SLC26A2: variants seen among roughly 807,000 people sequenced by gnomAD.
SLC26A2 encodes the protein sulfate transporter.
Under a neutral mutation model 41.1 loss-of-function variants are expected in SLC26A2, and 36 were observed. That is an observed-to-expected ratio of 0.88 (90% CI 0.67 to 1.16). The LOEUF is 1.16. Ranked by LOEUF, SLC26A2 falls within the 50% of genes most tolerant of loss-of-function variation. SLC26A2 has a pLI of 0.00. For missense variants in SLC26A2, 796 were observed against 869.6 expected (o/e 0.92, Z 1.07); for synonymous variants, 291 against 311.6 (o/e 0.93, Z 0.70).
intron 1 of SLC26A2, among the ~76,000 whole-genome samples, chr5:149,967,999 C>A (rs1234754792): frequency 2.7e-5 from 4 of 150,282 alleles, no homozygotes; most frequent in Non-Finnish European, 5.9e-5. Flanking sequence ...TTAGATCCAG[C>A]TCTTTTTTTT....
In SLC26A2 at chr5:149,978,083, C is replaced by CT. The variant is rs769859976; in HGVS notation, c.438dup (p.Ala147CysfsTer28). On this transcript the variant is annotated frameshift_variant, in exon 2 of 3. Coordinates refer to ENST00000286298, the MANE Select transcript of SLC26A2 (RefSeq NM_000112.4). LOFTEE classifies it high-confidence loss of function. ...GAACCTGTCTATGGTCTGTACACAT[C>CT]TTTTTTTGCCAGCATCATTTATTTT... 4 of 1,603,688 alleles carry CT rather than the reference C, an allele frequency of 2.5e-6. No homozygotes were observed. Among genetic ancestry groups the CT allele is most frequent in the South Asian group, 2.2e-5 (2 of 89,884 alleles).
intron 1 of SLC26A2, among the ~76,000 whole-genome samples, chr5:149,971,274 C>T (rs1331665736): frequency 6.6e-6 from 1 of 152,218 alleles, no homozygotes; most frequent in Admixed American, 6.5e-5. Context: ...CCTTGGCATC[C>T]CTGGGCCTTT....
At position 149,980,573 on chromosome 5, in the gene SLC26A2, C is replaced by T. The variant is rs1053664339; in HGVS notation, c.980C>T (p.Ser327Phe). 1 of 1,614,050 alleles carries T rather than the reference C, an allele frequency of 6.2e-7. No homozygotes were observed. Among genetic ancestry groups the T allele is most frequent in the African/African-American group, 1.3e-5 (1 of 74,936 alleles). Residue 327 changes from serine (S) to phenylalanine (F), a missense_variant, in exon 3 of 3, where the codon TCC (serine) becomes TTC (phenylalanine). Physicochemically the swap from Ser to Phe is radical, Grantham distance 155 (BLOSUM62 -2). Coordinates refer to ENST00000286298, the MANE Select transcript of SLC26A2 (RefSeq NM_000112.4). ...AAAGAACTCAATGAACACTTCAAAT[C>T]CAAGCTTAAGGCACCGATTCCTATT... ...PTKELNEHFK[S>F]KLKAPIPIEL...
intron 1 of SLC26A2, among the ~76,000 whole-genome samples, chr5:149,961,229 C>T (rs1754697681): frequency 1.3e-5 from 2 of 152,204 alleles, no homozygotes. Flanking sequence ...CCCTCCATCC[C>T]GCGTATCTCG....
At chr5:149,972,073 C>G (rs1177596971) in intron 1 of SLC26A2, among the ~76,000 whole-genome samples, 1 of 152,212 alleles carries the variant, frequency 6.6e-6, no homozygotes, top group Non-Finnish European at 1.5e-5. Flanking sequence ...TTCTCCCTTA[C>G]CCATATTCCA....
At chr5:149,973,733 C>G (rs908784887) in intron 1 of SLC26A2, among the ~76,000 whole-genome samples, 5 of 152,200 alleles carry the variant, frequency 3.3e-5, no homozygotes, top group African/African-American at 1.2e-4. Flanking sequence ...CTCTTAGGCT[C>G]AAGCAGTCTC....
intron 1 of SLC26A2, among the ~76,000 whole-genome samples, chr5:149,970,557 T>G (rs1427433581): frequency 6.6e-6 from 1 of 152,052 alleles, no homozygotes; most frequent in East Asian, 1.9e-4. Flanking sequence ...AGAACATACC[T>G]GTATAGATCT....
intron 1 of SLC26A2, among the ~76,000 whole-genome samples, chr5:149,965,000 GGA>G (rs1754781850): frequency 6.6e-6 from 1 of 152,150 alleles, no homozygotes; most frequent in Non-Finnish European, 1.5e-5. Flanking sequence ...ATATAAGTAT[GGA>G]GAGAGAGTGT....
At chr5:149,968,977 A>G (rs1016439109) in intron 1 of SLC26A2, among the ~76,000 whole-genome samples, 1 of 142,986 alleles carries the variant, frequency 7.0e-6, no homozygotes, top group Admixed American at 7.1e-5. Context: ...CCTGACCTCA[A>G]GCGATTCACC....
chr5:149,964,412 G>A (rs918115726), intron 1 of SLC26A2, among the ~76,000 whole-genome samples: 1 of 152,204 alleles, frequency 6.6e-6, no homozygotes, highest in African/African-American at 2.4e-5. Flanking sequence ...AGGAGGTGGA[G>A]GTTGCAGTGA....
chr5:149,963,566 C>T (rs985200190), intron 1 of SLC26A2, among the ~76,000 whole-genome samples: 4 of 151,918 alleles, frequency 2.6e-5, no homozygotes, highest in African/African-American at 7.3e-5. Context: ...CGTGAGCCAC[C>T]GCGCCTGGCC....
At position 149,978,079 on chromosome 5, in the gene SLC26A2, A is replaced by G; in HGVS notation, c.427A>G (p.Thr143Ala). 6.2e-7 allele frequency: 1 copy of G among 1,605,056 alleles called. No individual in the cohort carries two copies. Among genetic ancestry groups the G allele is most frequent in the Non-Finnish European group, 8.5e-7 (1 of 1,175,094 alleles). The change falls in exon 2 of 3, where the codon ACA (threonine) becomes GCA (alanine). Residue 143 changes from threonine (T) to alanine (A), a missense_variant. Transcript: ENST00000286298. ...AGQEPVYGLY[T>A]SFFASIIYFL... ...CCAAGAACCTGTCTATGGTCTGTAC[A>G]CATCTTTTTTTGCCAGCATCATTTA...
Position 149,981,651 on chromosome 5 carries a change from C to T in SLC26A2, c.2058C>T (p.Cys686=), listed in dbSNP as rs755704146. The T allele has an allele frequency of 6.2e-7, 1 of 1,613,934 alleles. No homozygotes were observed. The highest frequency in any genetic ancestry group is 1.1e-5 in the South Asian group (1 of 91,042). The change falls in exon 3 of 3, where the codon TGC becomes TGT. Residue 686 remains cysteine (C), a synonymous_variant. Transcript: ENST00000286298. ...AIGIQVLLAQ[C]NPTVRDSLTN... Reference sequence around the variant, plus strand: ...GAATCCAGGTTCTGCTGGCTCAGTGCAATCCCACTGTGAGGGATTCCCTAA... The same window carrying T: ...GAATCCAGGTTCTGCTGGCTCAGTGTAATCCCACTGTGAGGGATTCCCTAA...
chr5:149,961,799 A>G (rs1025114697), intron 1 of SLC26A2, among the ~76,000 whole-genome samples: 5 of 152,142 alleles, frequency 3.3e-5, no homozygotes, highest in Non-Finnish European at 5.9e-5. Flanking sequence ...AATTGAATCA[A>G]TAAGAAATGG....
chr5:149,970,884 T>G (rs1018937539), intron 1 of SLC26A2, among the ~76,000 whole-genome samples: 1 of 152,228 alleles, frequency 6.6e-6, no homozygotes, highest in African/African-American at 2.4e-5. Context: ...GATTGACACC[T>G]AAGTTTGGGG....
In SLC26A2 at chr5:149,981,938, C is replaced by A; in HGVS notation, c.*125C>A. 1.5e-6 allele frequency: 1 copy of A among 676,484 alleles called. No homozygotes were observed. Among genetic ancestry groups the A allele is most frequent in the Non-Finnish European group, 2.5e-6 (1 of 396,212 alleles). The allele number at this position is 676,484 out of a possible 1,614,324, so 41.9% of individuals were successfully genotyped here. A position where few individuals can be genotyped will look rare whatever the true frequency, so the allele number is the denominator to read the frequency against. ...TTAACCAAGTGGCTAGATATTATTC[C>A]TCCTTTGAAGCTAATGGCATTTGTA... On this transcript the variant is annotated 3_prime_UTR_variant, in exon 3 of 3. Transcript: ENST00000286298.
intron 1 of SLC26A2, among the ~76,000 whole-genome samples, chr5:149,965,782 C>T (rs115953448): frequency 5.5e-4 from 83 of 152,246 alleles, no homozygotes; most frequent in African/African-American, 2.0e-3. Flanking sequence ...TGTATATACA[C>T]TTACAGAGAC....
rs3776070 is a variant in SLC26A2 at position 149,981,658 on chromosome 5, A to G, written c.2065A>G (p.Thr689Ala). The change falls in exon 3 of 3, where the codon ACT (threonine) becomes GCT (alanine). Residue 689 changes from threonine to alanine, a missense_variant. Transcript: ENST00000286298. The part of the protein sequence containing the change: ...IQVLLAQCNP[T>A]VRDSLTNGEY... Reference sequence around the variant, plus strand: ...GGTTCTGCTGGCTCAGTGCAATCCCACTGTGAGGGATTCCCTAACCAACGG... The same window carrying G: ...GGTTCTGCTGGCTCAGTGCAATCCCGCTGTGAGGGATTCCCTAACCAACGG... 13 of 1,613,582 alleles carry G rather than the reference A, an allele frequency of 8.1e-6. No homozygotes were observed. In the Admixed American group the frequency reaches 2.0e-4, roughly 25 times the overall value.
At chr5:149,973,052 C>T (rs980994709) in intron 1 of SLC26A2, among the ~76,000 whole-genome samples, 45 of 152,100 alleles carry the variant, frequency 3.0e-4, no homozygotes, top group Admixed American at 2.0e-3. Flanking sequence ...GGCATGGTGG[C>T]TCATGCCTGT....
Sources: allele counts gnomAD v4.1 joint callset (sites outside exome capture counted in the v4.1 genomes callset), GRCh38; gene constraint gnomAD v4.1.1; transcripts MANE v1.5; gene names NCBI Gene and HGNC (gene_info 2026-07-23, HGNC 2026-07-21).